Variants in FAM53A observed in about 807,000 individuals in gnomAD.
FAM53A encodes the protein family with sequence similarity 53 member A, also known as protein FAM53A.
Under a neutral mutation model 26.6 loss-of-function variants are expected in FAM53A, and 28 were observed. The ratio of observed to expected loss-of-function variants is 1.05; its 90% CI spans 0.78 to 1.45. The LOEUF (loss-of-function observed/expected upper bound fraction) is 1.45. FAM53A is among the 40% of genes most tolerant of loss of function. The probability of loss-of-function intolerance (pLI) is 0.00; values close to 1 mark genes in which losing one functional copy is unlikely to be tolerated. For missense variants in FAM53A, 650 were observed against 575.8 expected (o/e 1.13, Z -1.32); for synonymous variants, 290 against 253.1 (o/e 1.15, Z -1.38).
At position 1,656,738 on chromosome 4, in the gene FAM53A, T is replaced by C. The variant is rs1401237396; in HGVS notation, c.136+670A>G. Among the ~76,000 whole-genome samples, 11 of 152,016 alleles carry C rather than the reference T, an allele frequency of 7.2e-5. No individual in the cohort carries two copies. The South Asian group carries it at 2.3e-3, about 32-fold the overall frequency. ...TCCATCTACTCATGAAAGAATCTGG[T>C]AAAACACCTTCACTTTGGTCATCTG... On this transcript the variant is annotated intron_variant, in intron 3 of 4. Coordinates refer to ENST00000308132, the MANE Select transcript of FAM53A (RefSeq NM_001174070.3).
chr4:1,620,252 T>C (rs191825236), intron 1 of FAM53A, among the ~76,000 whole-genome samples: 2 of 150,560 alleles, frequency 1.3e-5, no homozygotes, highest in African/African-American at 2.4e-5. Flanking sequence ...AATAAATAAA[T>C]AAAATGTCAT....
At chr4:1,680,024 G>GA (rs60872364) in intron 1 of FAM53A, among the ~76,000 whole-genome samples, 124,589 of 133,324 alleles carry the variant, frequency 0.93, 58,686 homozygotes, top group East Asian at 1. Flanking sequence ...CTCCGTCTCA[G>GA]AAAAAAAAAA....
intron 4 of FAM53A, among the ~76,000 whole-genome samples, chr4:1,642,497 C>G (rs547313838): frequency 6.6e-6 from 1 of 152,260 alleles, no homozygotes; most frequent in Admixed American, 6.5e-5. Context: ...TAGGGGGTCC[C>G]CCCAGGCTGC....
At chr4:1,579,311 C>T in the FAM53A span, among the ~76,000 whole-genome samples, 55 of 151,600 alleles carry the variant, frequency 3.6e-4, 1 homozygote, top group African/African-American at 1.3e-3. Context: ...TGGGCCCTGC[C>T]GCTGCGCCCA....
At chr4:1,611,424 G>C in the FAM53A span, among the ~76,000 whole-genome samples, 2 of 152,204 alleles carry the variant, frequency 1.3e-5, no homozygotes, top group Non-Finnish European at 2.9e-5. Context: ...CACAAGGGCA[G>C]CTCAGGTCAC....
intron 4 of FAM53A, among the ~76,000 whole-genome samples, chr4:1,649,327 T>G (rs1712544777): frequency 6.6e-6 from 1 of 152,304 alleles, no homozygotes; most frequent in Admixed American, 6.5e-5. Context: ...TACCTGTCTG[T>G]GGCCAACCAA....
chr4:1,585,877 A>C, the FAM53A span, among the ~76,000 whole-genome samples: 1 of 152,062 alleles, frequency 6.6e-6, no homozygotes, highest in African/African-American at 2.4e-5. Context: ...GGAATGCGCC[A>C]CCACACCTGG....
chr4:1,622,623 A>AT (rs1425633204), intron 1 of FAM53A, among the ~76,000 whole-genome samples: 1 of 152,152 alleles, frequency 6.6e-6, no homozygotes, highest in Admixed American at 6.5e-5. Flanking sequence ...CTGCATGCCC[A>AT]TTTGGGGGTC....
intron 1 of FAM53A, among the ~76,000 whole-genome samples, chr4:1,632,473 T>C (rs189870505): frequency 7.9e-5 from 12 of 152,282 alleles, no homozygotes; most frequent in Admixed American, 7.8e-4. Flanking sequence ...TGCAGTATTC[T>C]GACATGGACC....
chr4:1,578,822 AG>A, the FAM53A span, among the ~76,000 whole-genome samples: 1 of 41,458 alleles, frequency 2.4e-5, no homozygotes, highest in Non-Finnish European at 4.9e-5. Context: ...GGGAGAGAAG[AG>A]GGGGAGGGGA....
At chr4:1,594,633 G>A in the FAM53A span, among the ~76,000 whole-genome samples, 1 of 152,214 alleles carries the variant, frequency 6.6e-6, no homozygotes, top group Non-Finnish European at 1.5e-5. Context: ...GCTTGGGGTT[G>A]GGAGTTGGAG....
chr4:1,608,193 CT>C, the FAM53A span, among the ~76,000 whole-genome samples: 661 of 131,010 alleles, frequency 5.0e-3, 10 homozygotes, highest in African/African-American at 0.018. Context: ...GATGGTGCCC[CT>C]ATGGCCCCCC....
chr4:1,619,899 T>C (rs1560105134), intron 1 of FAM53A, among the ~76,000 whole-genome samples: 2 of 152,236 alleles, frequency 1.3e-5, no homozygotes, highest in Admixed American at 6.5e-5. Context: ...GGTCTCCACA[T>C]TTCCTTATAC....
At chr4:1,622,299 CAG>C (rs758558683) in intron 1 of FAM53A, among the ~76,000 whole-genome samples, 4 of 152,154 alleles carry the variant, frequency 2.6e-5, no homozygotes, top group Admixed American at 6.5e-5. Flanking sequence ...GGGGTGACGA[CAG>C]GGGCAGAACA....
At chr4:1,600,991 C>A in the FAM53A span, among the ~76,000 whole-genome samples, 1 of 152,168 alleles carries the variant, frequency 6.6e-6, no homozygotes, top group Non-Finnish European at 1.5e-5. Context: ...GGCCGAGAAG[C>A]TCAAGGCTCC....
chr4:1,578,141 C>CA, the FAM53A span, among the ~76,000 whole-genome samples: 2 of 152,080 alleles, frequency 1.3e-5, no homozygotes, highest in African/African-American at 4.8e-5. Context: ...ACCCCCAGGC[C>CA]CCCCCCAAGC....
chr4:1,649,857 T>G (rs1712594297), intron 4 of FAM53A, among the ~76,000 whole-genome samples: 1 of 151,610 alleles, frequency 6.6e-6, no homozygotes, highest in Non-Finnish European at 1.5e-5. Context: ...TGTTTGACAG[T>G]GAGGTGGCAC....
the FAM53A span, among the ~76,000 whole-genome samples, chr4:1,595,073 A>G: frequency 1.6e-4 from 24 of 152,196 alleles, no homozygotes; most frequent in African/African-American, 5.8e-4. Context: ...GCACCATGGG[A>G]CCCAGCCAGT....
rs545900843 is a variant in FAM53A, at chr4:1,619,581, C to A, written c.432-1470G>T. Among the ~76,000 whole-genome samples the A allele has an allele frequency of 5.9e-5, 9 of 152,330 alleles. No homozygotes were observed. The East Asian group carries it at 1.2e-3, about 20-fold the overall frequency. On this transcript the variant is annotated intron_variant, in intron 1 of 1. Transcript: ENST00000489029. ...TGCTGGCCTATCTCTGGGTCTATACCCTGCAATCGGCTTCTCAGGTCTTCA... is the reference window on the plus strand; with the variant it reads ...TGCTGGCCTATCTCTGGGTCTATACACTGCAATCGGCTTCTCAGGTCTTCA...
Sources: allele counts gnomAD v4.1 joint callset (sites outside exome capture counted in the v4.1 genomes callset), GRCh38; gene constraint gnomAD v4.1.1; transcripts MANE v1.5; gene names NCBI Gene and HGNC (gene_info 2026-07-23, HGNC 2026-07-21).